The following CYP39A1 variants were observed in gnomAD, a reference collection of about 807,000 sequenced individuals.
CYP39A1 encodes cytochrome P450 family 39 subfamily A member 1.
Under a neutral mutation model 58.1 loss-of-function variants are expected in CYP39A1, and 49 were observed. The observed-to-expected ratio is 0.84, with a 90% confidence interval of 0.67 to 1.07. The LOEUF (loss-of-function observed/expected upper bound fraction) is 1.07. Among genes scored for constraint, CYP39A1 ranks in the 50% least tolerant of loss-of-function variants. The pLI is 0.00. For synonymous variants in CYP39A1, 209 were observed against 187.6 expected (o/e 1.11, Z -0.93); for missense variants, 531 against 539.4 (o/e 0.98, Z 0.16).
At chr6:46,598,181 A>C (rs948223683) in intron 7 of CYP39A1, among the ~76,000 whole-genome samples, 1 of 152,164 alleles carries the variant, frequency 6.6e-6, no homozygotes, top group Non-Finnish European at 1.5e-5. Context: ...ACATTAGTGT[A>C]TTACAGGCTT....
chr6:46,616,168 TTTCTTTCTTTC>T (rs1774553931), intron 7 of CYP39A1, among the ~76,000 whole-genome samples: 1 of 38,400 alleles, frequency 2.6e-5, no homozygotes, highest in Non-Finnish European at 5.2e-5. Context: ...TTCTTTTTTC[TTTCTTTCTTTC>T]TTTCTTTCTT....
At chr6:46,625,323 G>T in intron 7 of CYP39A1, 95 bp downstream of exon 7, 1 of 856,528 alleles carries the variant, frequency 1.2e-6, no homozygotes, top group South Asian at 2.2e-5. Flanking sequence ...GGATTATGTT[G>T]AATTTTTATA....
intron 6 of CYP39A1, among the ~76,000 whole-genome samples, chr6:46,628,980 G>T (rs1190191348): frequency 6.6e-6 from 1 of 152,090 alleles, no homozygotes; most frequent in African/African-American, 2.4e-5. Flanking sequence ...AACCCTTTAA[G>T]GTAGGTATAG....
At chr6:46,583,188 CTCT>C (rs1055732237) in intron 10 of CYP39A1, 4 of 985,262 alleles carry the variant, frequency 4.1e-6, no homozygotes, top group Non-Finnish European at 4.8e-6. Flanking sequence ...TTATTACACT[CTCT>C]TCTTATCCAA....
chr6:46,578,801 T>C (rs1771975790), intron 10 of CYP39A1, among the ~76,000 whole-genome samples: 1 of 151,964 alleles, frequency 6.6e-6, no homozygotes, highest in Non-Finnish European at 1.5e-5. Flanking sequence ...CAAAACTCGT[T>C]ATTATATTAT....
chr6:46,562,999 T>C (rs529232484), intron 10 of CYP39A1, among the ~76,000 whole-genome samples: 1 of 152,154 alleles, frequency 6.6e-6, no homozygotes. Context: ...GATATTTATA[T>C]TACATTAAGA....
chr6:46,549,718 T>C lies in CYP39A1; in HGVS notation c.*648A>G, dbSNP rs1011095354. The C allele has an allele frequency of 2.6e-5, 4 of 152,200 alleles. No individual in the cohort carries two copies. The highest frequency in any genetic ancestry group is 9.6e-5 in the African/African-American group (4 of 41,456). 9.4% of individuals were successfully genotyped at this position (152,200 alleles called of 1,614,324 possible). Reference sequence around the variant, plus strand: ...ATATAAATCAATACATCAATCAACATACATTTATTGAATATACTCTGTAAA... The same window carrying C: ...ATATAAATCAATACATCAATCAACACACATTTATTGAATATACTCTGTAAA... On this transcript the variant is annotated 3_prime_UTR_variant, in exon 12 of 12. Transcript: ENST00000275016.
intron 3 of CYP39A1, among the ~76,000 whole-genome samples, chr6:46,638,561 TTTAA>T (rs1355543754): frequency 2.0e-5 from 3 of 152,198 alleles, no homozygotes; most frequent in Non-Finnish European, 4.4e-5. Context: ...ATACTGTTTA[TTTAA>T]TTTTTATTTA....
rs539493021 is a variant in CYP39A1, at chr6:46,632,609, C to G, written c.733-1539G>C. On this transcript the variant is annotated intron_variant, in intron 5 of 11. Coordinates refer to ENST00000275016, the MANE Select transcript of CYP39A1 (RefSeq NM_016593.5). ...ATTGTTTTTATCTGTTCCTCTCCCCCCTCCCAATCTCTACCCTCAAATAGG... is the reference window on the plus strand; with the variant it reads ...ATTGTTTTTATCTGTTCCTCTCCCCGCTCCCAATCTCTACCCTCAAATAGG... 3.4e-4 allele frequency among the ~76,000 whole-genome samples: 52 copies of G among 152,234 alleles called. 3 individuals carry two copies. The South Asian group carries it at 1.0e-2, about 29-fold the overall frequency.
At chr6:46,633,837 A>G (rs1362779475) in intron 5 of CYP39A1, among the ~76,000 whole-genome samples, 1 of 152,134 alleles carries the variant, frequency 6.6e-6, no homozygotes, top group African/African-American at 2.4e-5. Context: ...AGCCTGGGTG[A>G]CAGAGCAAGA....
At chr6:46,588,595 G>A (rs1205048129) in intron 8 of CYP39A1, among the ~76,000 whole-genome samples, 1 of 152,074 alleles carries the variant, frequency 6.6e-6, no homozygotes, top group Non-Finnish European at 1.5e-5. Flanking sequence ...CAATGGCCAT[G>A]GTAGCACTGA....
At chr6:46,593,237 A>G (rs1433532760) in intron 8 of CYP39A1, among the ~76,000 whole-genome samples, 2 of 152,270 alleles carry the variant, frequency 1.3e-5, no homozygotes, top group South Asian at 2.1e-4. Context: ...TGTGCATGCA[A>G]GAGTATACAT....
intron 7 of CYP39A1, among the ~76,000 whole-genome samples, chr6:46,608,095 T>C (rs908602315): frequency 1.3e-5 from 2 of 152,248 alleles, no homozygotes; most frequent in African/African-American, 2.4e-5. Flanking sequence ...ATTTGGTCAA[T>C]ACATCTACTC....
At chr6:46,651,466 A>C (rs972033900) in intron 1 of CYP39A1, among the ~76,000 whole-genome samples, 2 of 152,238 alleles carry the variant, frequency 1.3e-5, no homozygotes, top group Admixed American at 6.5e-5. Context: ...TTGTTCATTA[A>C]ATAGTTGTAA....
intron 7 of CYP39A1, among the ~76,000 whole-genome samples, chr6:46,600,312 G>T (rs929455563): frequency 6.6e-6 from 1 of 151,864 alleles, no homozygotes; most frequent in East Asian, 1.9e-4. Flanking sequence ...GTAGAGATGG[G>T]GTGTTGCCAT....
chr6:46,625,364 G>A (rs1775248243), intron 7 of CYP39A1, 54 bp downstream of exon 7: 1 of 1,251,632 alleles, frequency 8.0e-7, no homozygotes, highest in South Asian at 1.5e-5. Flanking sequence ...TGCCAATAAT[G>A]TGTGACAAAC....
At chr6:46,629,953 G>A (rs773263710) in intron 6 of CYP39A1, among the ~76,000 whole-genome samples, 10 of 151,442 alleles carry the variant, frequency 6.6e-5, no homozygotes, top group Admixed American at 1.3e-4. Flanking sequence ...TTTTTTAGCC[G>A]GGCCCAGTAG....
At chr6:46,585,696 C>T (rs1772434808) in intron 10 of CYP39A1, among the ~76,000 whole-genome samples, 1 of 152,032 alleles carries the variant, frequency 6.6e-6, no homozygotes, top group Non-Finnish European at 1.5e-5. Flanking sequence ...CTAAAAGTGA[C>T]TTAAAAAGTA....
chr6:46,575,194 A>T (rs1285935138), intron 10 of CYP39A1, among the ~76,000 whole-genome samples: 6 of 152,042 alleles, frequency 3.9e-5, no homozygotes, highest in African/African-American at 1.4e-4. Context: ...TTGCCTGGAG[A>T]GTTGGTGGAA....
Sources: allele counts gnomAD v4.1 joint callset (sites outside exome capture counted in the v4.1 genomes callset), GRCh38; gene constraint gnomAD v4.1.1; transcripts MANE v1.5; gene names NCBI Gene and HGNC (gene_info 2026-07-23, HGNC 2026-07-21).